The following KALRN variants were observed in gnomAD, a reference collection of about 807,000 sequenced individuals.
The protein encoded by KALRN is kalirin.
A neutral mutation model predicts 353.7 loss-of-function variants in KALRN; 70 were observed. That is an observed-to-expected ratio of 0.20 (90% CI 0.16 to 0.24). The LOEUF is 0.24. Ranked by LOEUF, KALRN falls within the 10% of genes least tolerant of loss-of-function variation. The probability of loss-of-function intolerance (pLI) is 1.00; values close to 1 mark genes in which losing one functional copy is unlikely to be tolerated. For synonymous variants in KALRN, 1,391 were observed against 1,434.8 expected (o/e 0.97, Z 0.69); for missense variants, 2,791 against 3,756.7 (o/e 0.74, Z 6.72).
At chr3:124,144,865 ACAATC>A (rs2067130014) in intron 1 of KALRN, among the ~76,000 whole-genome samples, 1 of 152,184 alleles carries the variant, frequency 6.6e-6, no homozygotes, top group Non-Finnish European at 1.5e-5. Context: ...TTCCAGGAAA[ACAATC>A]CAAGCAGCCA....
At chr3:124,189,629 CCT>C (rs1376402756) in intron 1 of KALRN, among the ~76,000 whole-genome samples, 1 of 151,814 alleles carries the variant, frequency 6.6e-6, no homozygotes, top group Non-Finnish European at 1.5e-5. Context: ...ATGGTGAAAC[CCT>C]GTCTCTACTA....
At chr3:124,140,811 G>A (rs554080921) in intron 1 of KALRN, among the ~76,000 whole-genome samples, 1 of 152,310 alleles carries the variant, frequency 6.6e-6, no homozygotes, top group African/African-American at 2.4e-5. Context: ...GGCACAGGGA[G>A]TAGGGGAGGG....
At chr3:124,130,270 T>A (rs970448213) in intron 1 of KALRN, among the ~76,000 whole-genome samples, 2 of 152,200 alleles carry the variant, frequency 1.3e-5, no homozygotes, top group African/African-American at 4.8e-5. Context: ...AGTGAAATCC[T>A]TAGATATTTA....
At chr3:124,704,877 A>G (rs2062523891) in intron 57 of KALRN, among the ~76,000 whole-genome samples, 1 of 152,224 alleles carries the variant, frequency 6.6e-6, no homozygotes, top group South Asian at 2.1e-4. Flanking sequence ...TGTTAATGTG[A>G]GACACAGGAA....
At chr3:124,060,620 A>G (rs2149210386) in intron 1 of KALRN, among the ~76,000 whole-genome samples, 1 of 152,322 alleles carries the variant, frequency 6.6e-6, no homozygotes, top group African/African-American at 2.4e-5. Flanking sequence ...TGTTCCAGGT[A>G]TCTCTCTTTC....
At position 124,422,988 on chromosome 3, in the gene KALRN, G is replaced by A. The variant is rs1168399105; in HGVS notation, c.2709+10G>A. ...GGCTGAAGTCAAACAGGTAAGCCCA[G>A]CCCTTCTTCCTTCAGCCTGGGTTTC... is the stretch of plus-strand genomic sequence containing the variant. On this transcript the variant is annotated intron_variant, in intron 15 of 59. Coordinates refer to ENST00000682506, the MANE Select transcript of KALRN (RefSeq NM_001388419.1). The A allele has an allele frequency of 6.2e-7, 1 of 1,611,690 alleles. No individual in the cohort carries two copies. Among genetic ancestry groups the A allele is most frequent in the African/African-American group, 1.3e-5 (1 of 74,976 alleles).
chr3:124,590,123 A>G (rs191614686), intron 34 of KALRN, among the ~76,000 whole-genome samples: 86 of 152,224 alleles, frequency 5.6e-4, no homozygotes, highest in African/African-American at 1.6e-3. Context: ...CCCGAATCCT[A>G]TGCTTCTCTT....
At chr3:124,233,748 G>A (rs968631372) in intron 2 of KALRN, among the ~76,000 whole-genome samples, 1 of 152,060 alleles carries the variant, frequency 6.6e-6, no homozygotes, top group Admixed American at 6.5e-5. Flanking sequence ...TCCAGTATTG[G>A]TGAGGTTCGC....
At chr3:124,514,398 A>G (rs765284186) in intron 33 of KALRN, among the ~76,000 whole-genome samples, 8 of 152,130 alleles carry the variant, frequency 5.3e-5, no homozygotes, top group Non-Finnish European at 7.4e-5. Context: ...GCCTTTCCCT[A>G]AGAAGTCACT....
At chr3:124,586,330 C>A (rs2149312537) in intron 34 of KALRN, among the ~76,000 whole-genome samples, 1 of 152,300 alleles carries the variant, frequency 6.6e-6, no homozygotes, top group South Asian at 2.1e-4. Flanking sequence ...AGTTTCTCTG[C>A]AGGATTTCTT....
chr3:124,646,699 ATT>A (rs11368212), intron 37 of KALRN, among the ~76,000 whole-genome samples: 41,936 of 144,992 alleles, frequency 0.29, 6,085 homozygotes, highest in East Asian at 0.48. Context: ...CCTCTTTTCC[ATT>A]TTTTTTTTTT....
intron 34 of KALRN, chr3:124,584,632 G>T: frequency 7.1e-7 from 1 of 1,409,656 alleles, no homozygotes; most frequent in Non-Finnish European, 9.2e-7. Flanking sequence ...CTCCCCGCCT[G>T]GCCCCTCCCC....
At position 124,337,798 on chromosome 3, in the gene KALRN, T is replaced by C. The variant is rs571179014; in HGVS notation, c.1647+3303T>C. On this transcript the variant is annotated intron_variant, in intron 9 of 59. Coordinates refer to ENST00000682506, the MANE Select transcript of KALRN (RefSeq NM_001388419.1). ...TGGACGTTTTTTTGTTGGTAGACTA[T>C]TAATTACTGCCTCAATTTCAGAACT... is the stretch of plus-strand genomic sequence containing the variant. Among the ~76,000 whole-genome samples the C allele has an allele frequency of 2.4e-4, 37 of 152,308 alleles. No homozygotes were observed. In the Middle Eastern group the frequency reaches 0.017, roughly 70 times the overall value.
At chr3:124,252,652 G>A (rs2071340814) in intron 3 of KALRN, among the ~76,000 whole-genome samples, 1 of 152,136 alleles carries the variant, frequency 6.6e-6, no homozygotes, top group Admixed American at 6.5e-5. Flanking sequence ...TAATAACCTG[G>A]GTAAGAGGCC....
intron 1 of KALRN, among the ~76,000 whole-genome samples, chr3:124,195,641 G>C (rs529164434): frequency 2.0e-5 from 3 of 152,240 alleles, no homozygotes; most frequent in African/African-American, 7.2e-5. Context: ...TGGATTCTAT[G>C]GGCATAGAAT....
chr3:124,610,027 A>G (rs188231209), intron 34 of KALRN, among the ~76,000 whole-genome samples: 23 of 152,310 alleles, frequency 1.5e-4, no homozygotes, highest in Admixed American at 1.3e-3. Flanking sequence ...ACTTTCTATG[A>G]AATCTTTTTT....
chr3:124,379,063 T>A (rs190645599), intron 10 of KALRN, among the ~76,000 whole-genome samples: 1 of 152,078 alleles, frequency 6.6e-6, no homozygotes, highest in Non-Finnish European at 1.5e-5. Flanking sequence ...TCTGAAGTTA[T>A]CCCATAGCTC....
At chr3:124,117,616 A>G (rs964955975) in intron 1 of KALRN, among the ~76,000 whole-genome samples, 1 of 152,102 alleles carries the variant, frequency 6.6e-6, no homozygotes, top group Non-Finnish European at 1.5e-5. Flanking sequence ...GTAGAGGAAC[A>G]TTAAGGCAGT....
chr3:124,693,678 G>A, intron 51 of KALRN, 126 bp from the exon 52 acceptor site: 1 of 572,872 alleles, frequency 1.7e-6, no homozygotes. Context: ...ACAACACAGT[G>A]GGAAGTTGGG....
Sources: allele counts gnomAD v4.1 joint callset (sites outside exome capture counted in the v4.1 genomes callset), GRCh38; gene constraint gnomAD v4.1.1; transcripts MANE v1.5; gene names NCBI Gene and HGNC (gene_info 2026-07-23, HGNC 2026-07-21).